The following ZC3H8 variants were observed in gnomAD, a reference collection of about 807,000 sequenced individuals.
The protein encoded by ZC3H8 is zinc finger CCCH-type containing 8.
ZC3H8 carries 27 observed loss-of-function variants against 42.5 expected under a neutral mutation model. That is an observed-to-expected ratio of 0.64 (90% CI 0.47 to 0.88). The LOEUF (loss-of-function observed/expected upper bound fraction) is 0.88, where lower values mean the gene tolerates loss of function less well. Among genes scored for constraint, ZC3H8 ranks in the 40% least tolerant of loss-of-function variants. The pLI is 0.00. For missense variants in ZC3H8, 277 were observed against 336.1 expected, an observed-to-expected ratio of 0.82 and a Z score of 1.37; for synonymous variants, 101 against 110.1, an observed-to-expected ratio of 0.92 and a Z score of 0.52.
chr2:112,222,359 G>T (rs528673916), intron 8 of ZC3H8, among the ~76,000 whole-genome samples: 2 of 152,162 alleles, frequency 1.3e-5, no homozygotes, highest in African/African-American at 2.4e-5. Flanking sequence ...TCTAGCAGGT[G>T]TGGCCTGGCC....
intron 2 of ZC3H8, among the ~76,000 whole-genome samples, chr2:112,248,916 CG>C (rs1394789931): frequency 6.6e-6 from 1 of 151,996 alleles, no homozygotes; most frequent in Non-Finnish European, 1.5e-5. Flanking sequence ...AAAATTCAGC[CG>C]GGCACAGTCG....
At chr2:112,251,981 TGTTG>T (rs764646338) in intron 1 of ZC3H8, among the ~76,000 whole-genome samples, 4 of 152,250 alleles carry the variant, frequency 2.6e-5, no homozygotes, top group Non-Finnish European at 5.9e-5. Context: ...CAGTCTCCTT[TGTTG>T]GTTCCTTATC....
chr2:112,237,051 A>C (rs1354219330), intron 3 of ZC3H8, among the ~76,000 whole-genome samples: 1 of 152,218 alleles, frequency 6.6e-6, no homozygotes, highest in Non-Finnish European at 1.5e-5. Context: ...ACAGAGTGAG[A>C]ACCTGTCGCA....
In ZC3H8 at chr2:112,221,944, T is replaced by C. The variant is rs541358147; in HGVS notation, c.*16-5476A>G. On this transcript the variant is annotated intron_variant, in intron 8 of 8. Coordinates refer to ENST00000409573, the MANE Select transcript of ZC3H8 (RefSeq NM_032494.3). ...TGGAGGTAAGAAGGCACTCTGGCTTTTTGAGTTGCCAGAGTTCTTATGCTG... is the reference window on the plus strand; with the variant it reads ...TGGAGGTAAGAAGGCACTCTGGCTTCTTGAGTTGCCAGAGTTCTTATGCTG... 5.9e-5 allele frequency among the ~76,000 whole-genome samples: 9 copies of C among 152,316 alleles called. No homozygotes were observed. In the South Asian group the frequency reaches 1.2e-3, roughly 21 times the overall value.
rs566201768 is a variant in ZC3H8 at position 112,247,207 on chromosome 2, A to G, written c.156+2984T>C. Among the ~76,000 whole-genome samples, 11 of 152,312 alleles carry G rather than the reference A, an allele frequency of 7.2e-5. 1 individual carries two copies. In the East Asian group the frequency reaches 2.1e-3, roughly 29 times the overall value. ...GCAATATTTGTTTTATTGTGGTGGT[A>G]TGAAATCAAACCCTCAAAATCTGAG... is the stretch of plus-strand genomic sequence containing the variant. On this transcript the variant is annotated intron_variant, in intron 2 of 8. Transcript: ENST00000409573.
intron 6 of ZC3H8, 59 bp from the exon 7 acceptor site, chr2:112,232,006 T>A: frequency 9.6e-7 from 1 of 1,040,170 alleles, no homozygotes; most frequent in Non-Finnish European, 1.4e-6. Flanking sequence ...TGTTATTAAC[T>A]TAATGACTTT....
intron 6 of ZC3H8, among the ~76,000 whole-genome samples, chr2:112,232,535 T>C (rs1365458703): frequency 6.6e-6 from 1 of 152,104 alleles, no homozygotes; most frequent in Non-Finnish European, 1.5e-5. Context: ...GGGTATATAT[T>C]TTAAATACCT....
At chr2:112,242,438 C>A (rs1685616969) in intron 2 of ZC3H8, among the ~76,000 whole-genome samples, 1 of 152,172 alleles carries the variant, frequency 6.6e-6, no homozygotes, top group Non-Finnish European at 1.5e-5. Context: ...TGCAAGAGAC[C>A]TTCATGGCAT....
At chr2:112,217,421 A>G (rs1684373670) in intron 8 of ZC3H8, among the ~76,000 whole-genome samples, 1 of 152,230 alleles carries the variant, frequency 6.6e-6, no homozygotes, top group Non-Finnish European at 1.5e-5. Context: ...AAGCAAATGG[A>G]AACATTTTCA....
intron 8 of ZC3H8, among the ~76,000 whole-genome samples, chr2:112,223,817 T>C (rs554489988): frequency 6.6e-6 from 1 of 152,260 alleles, no homozygotes; most frequent in African/African-American, 2.4e-5. Context: ...GATTAACTGA[T>C]GAAGAAAAAC....
intron 2 of ZC3H8, among the ~76,000 whole-genome samples, chr2:112,239,259 G>A (rs1169982172): frequency 6.6e-6 from 1 of 152,260 alleles, no homozygotes; most frequent in Non-Finnish European, 1.5e-5. Context: ...TTCAGGTATT[G>A]GTTACATGTG....
rs1396233420 is a variant in ZC3H8 at position 112,213,684 on chromosome 2, G to C, written c.*2800C>G. 1 of 139,908 alleles carries C rather than the reference G, an allele frequency of 7.1e-6. No individual in the cohort carries two copies. Among genetic ancestry groups the C allele is most frequent in the Non-Finnish European group, 1.5e-5 (1 of 66,022 alleles). The allele number at this position is 139,908 out of a possible 1,614,324, so 8.7% of individuals were successfully genotyped here. A position where few individuals can be genotyped will look rare whatever the true frequency, so the allele number is the denominator to read the frequency against. ...CCAGCTACTTGGGAGGCTGAGGCAG[G>C]AGAATCACTTGAACCCGGGAGGCAG... On this transcript the variant is annotated 3_prime_UTR_variant, in exon 9 of 9. Transcript: ENST00000409573.
intron 2 of ZC3H8, chr2:112,240,455 TAATC>T (rs1172111808): frequency 6.6e-6 from 1 of 152,210 alleles, no homozygotes; most frequent in Non-Finnish European, 1.5e-5. Flanking sequence ...AAGTTTAGCT[TAATC>T]AAATACATAG....
chr2:112,238,542 A>G lies in ZC3H8; in HGVS notation c.157-14T>C. 1 of 1,582,410 alleles carries G rather than the reference A, an allele frequency of 6.3e-7. No homozygotes were observed. Among genetic ancestry groups the G allele is most frequent in the South Asian group, 1.1e-5 (1 of 87,030 alleles). On this transcript the variant is annotated splice_polypyrimidine_tract_variant and intron_variant, in intron 2 of 8. Transcript: ENST00000409573. The stretch of plus-strand genomic sequence containing the variant: ...AGAGTGTCTAAACTAAGTAAAAATT[A>G]AAACTTCAATTTTAAAAACCTAGCA...
At chr2:112,231,422 A>C (rs1208787164) in intron 7 of ZC3H8, among the ~76,000 whole-genome samples, 4 of 152,220 alleles carry the variant, frequency 2.6e-5, no homozygotes, top group Admixed American at 2.6e-4. Context: ...AGACTGAAAG[A>C]ATATCTGAAG....
chr2:112,215,762 T>A lies in ZC3H8; in HGVS notation c.*722A>T, dbSNP rs150789336. The A allele has an allele frequency of 2.4e-4, 36 of 152,316 alleles. No homozygotes were observed. In the East Asian group the frequency reaches 6.4e-3, roughly 27 times the overall value. 9.4% of individuals were successfully genotyped at this position (152,316 alleles called of 1,614,324 possible). A position where few individuals can be genotyped will look rare whatever the true frequency, so the allele number is the denominator to read the frequency against. On this transcript the variant is annotated 3_prime_UTR_variant, in exon 9 of 9. Transcript: ENST00000409573. ...AATGATACCATCACACTCCTAAAGT[T>A]TGTAACTCACACAAGTGTATAATCT...
rs1203900991 is a variant in ZC3H8, at chr2:112,250,197, G to A, written c.150C>T (p.Pro50=). 1.5e-5 allele frequency: 23 copies of A among 1,560,172 alleles called. No homozygotes were observed. The highest frequency in any genetic ancestry group is 1.8e-5 in the Non-Finnish European group (21 of 1,151,586). The change falls in exon 2 of 9, where the codon CCC becomes CCT. Residue 50 remains proline, a synonymous_variant. Transcript: ENST00000409573. The part of the protein sequence containing the change: ...EKIKLECEQI[P]KKFRHSAISP... ...GTGGTCAACTTAATCTTACTTTTTTGGGAATTTGCTCGCACTCCAGTTTAA... is the reference window on the plus strand; with the variant it reads ...GTGGTCAACTTAATCTTACTTTTTTAGGAATTTGCTCGCACTCCAGTTTAA...
At chr2:112,246,670 A>G (rs1333898384) in intron 2 of ZC3H8, among the ~76,000 whole-genome samples, 1 of 152,238 alleles carries the variant, frequency 6.6e-6, no homozygotes, top group Non-Finnish European at 1.5e-5. Context: ...GCTGCTTCTT[A>G]CAAGTGAACA....
intron 2 of ZC3H8, among the ~76,000 whole-genome samples, chr2:112,242,155 A>G (rs902823533): frequency 6.6e-6 from 1 of 152,372 alleles, no homozygotes; most frequent in Admixed American, 6.5e-5. Context: ...AGCATGTGAC[A>G]AAAATCTAGA....
Sources: allele counts gnomAD v4.1 joint callset (sites outside exome capture counted in the v4.1 genomes callset), GRCh38; gene constraint gnomAD v4.1.1; transcripts MANE v1.5; gene names NCBI Gene and HGNC (gene_info 2026-07-23, HGNC 2026-07-21).